Variants in CFAP47 observed in about 807,000 individuals in gnomAD.
CFAP47 encodes the protein cilia- and flagella-associated protein 47.
CFAP47 carries 29 observed loss-of-function variants against 148.1 expected under a neutral mutation model. That is an observed-to-expected ratio of 0.20 (90% CI 0.15 to 0.27). CFAP47 has a LOEUF of 0.27. Ranked by LOEUF, CFAP47 falls within the 10% of genes least tolerant of loss-of-function variation. The pLI, the probability that CFAP47 is intolerant of heterozygous loss-of-function variation, is 1.00. For missense variants in CFAP47, 1,872 were observed against 1,697.5 expected (o/e 1.10, Z -1.81); for synonymous variants, 664 against 577.3 (o/e 1.15, Z -2.15).
chrX:35,981,202 A>C (rs1936639566), intron 15 of CFAP47, among the ~76,000 whole-genome samples: 1 of 109,778 alleles, frequency 9.1e-6, no homozygotes, highest in South Asian at 3.9e-4. Flanking sequence ...ATACTTACTT[A>C]GTACCAAAGA....
intron 34 of CFAP47, 62 bp from the exon 35 acceptor site, chrX:36,138,286 A>G (rs769685855): frequency 1.2e-5 from 12 of 1,002,410 alleles, no homozygotes; most frequent in Non-Finnish European, 1.6e-5. Context: ...ACTATAGAGA[A>G]CACTTAAAAA....
At chrX:36,324,282 A>G (rs781804716) in intron 57 of CFAP47, among the ~76,000 whole-genome samples, 2 of 111,959 alleles carry the variant, frequency 1.8e-5, no homozygotes, top group African/African-American at 6.5e-5. Flanking sequence ...GTGGAAATAC[A>G]TTAGCTGTAA....
intron 24 of CFAP47, among the ~76,000 whole-genome samples, chrX:36,038,014 T>C (rs1601942590): frequency 9.0e-6 from 1 of 111,446 alleles, no homozygotes; most frequent in Non-Finnish European, 1.9e-5. Context: ...TCCAGCTGCC[T>C]CCCTTTTTCC....
At chrX:36,168,444 T>C (rs1282205753) in intron 39 of CFAP47, among the ~76,000 whole-genome samples, 1 of 112,416 alleles carries the variant, frequency 8.9e-6, no homozygotes, top group Admixed American at 9.4e-5. Context: ...ACTCAGAAAC[T>C]TTGTATCTGC....
intron 37 of CFAP47, among the ~76,000 whole-genome samples, chrX:36,154,611 C>T (rs1012757124): frequency 1.8e-5 from 2 of 111,958 alleles, no homozygotes; most frequent in Non-Finnish European, 3.8e-5. Context: ...TCTTTTGAGC[C>T]TTTTCCAGAA....
intron 15 of CFAP47, 22 bp downstream of exon 15, chrX:35,975,935 G>A (rs905484425): frequency 9.2e-6 from 11 of 1,193,798 alleles, no homozygotes; most frequent in African/African-American, 1.8e-5. Flanking sequence ...TTGTTTGTTT[G>A]ATTTAGACAT....
At chrX:35,920,122 G>T in intron 1 of CFAP47, 74 bp downstream of exon 1, 2 of 1,072,011 alleles carry the variant, frequency 1.9e-6, no homozygotes, top group Non-Finnish European at 2.5e-6. Flanking sequence ...CTTTGCCCCA[G>T]GGAGTAGTCA....
chrX:36,302,208 G>C (rs1941304985), intron 53 of CFAP47, among the ~76,000 whole-genome samples: 1 of 110,403 alleles, frequency 9.1e-6, no homozygotes, highest in South Asian at 3.8e-4. Context: ...TGAAGTTTTG[G>C]TTATTTTCAT....
intron 60 of CFAP47, among the ~76,000 whole-genome samples, chrX:36,359,099 G>A (rs187390358): frequency 8.9e-6 from 1 of 112,171 alleles, no homozygotes; most frequent in East Asian, 2.8e-4. Flanking sequence ...AATATTTGCT[G>A]AATGAATAAA....
intron 2 of CFAP47, among the ~76,000 whole-genome samples, chrX:35,932,610 T>C (rs1262734462): frequency 9.2e-6 from 1 of 109,155 alleles, no homozygotes; most frequent in African/African-American, 3.4e-5. Context: ...TTCCTGACTT[T>C]CTGAAGAACT....
chrX:36,318,637 A>G (rs1485322101), intron 56 of CFAP47, among the ~76,000 whole-genome samples: 4 of 112,326 alleles, frequency 3.6e-5, no homozygotes, highest in African/African-American at 1.3e-4. Context: ...TTCAATGTAG[A>G]TGAAACCATC....
At chrX:36,165,090 C>G (rs927618731) in intron 39 of CFAP47, among the ~76,000 whole-genome samples, 14 of 111,744 alleles carry the variant, frequency 1.3e-4, no homozygotes, top group Admixed American at 3.8e-4. Flanking sequence ...GCATAATGTC[C>G]TCCAGGTTCA....
At chrX:36,114,261 A>G (rs1451345749) in intron 33 of CFAP47, among the ~76,000 whole-genome samples, 1 of 111,526 alleles carries the variant, frequency 9.0e-6, no homozygotes, top group East Asian at 2.8e-4. Context: ...TTACTTTATT[A>G]TGAGTCCTAG....
rs754611170 is a variant in CFAP47 at position 36,104,632 on chromosome X, G to T, written c.5261G>T (p.Ser1754Ile). ...TCTGATTCTGAAAGAATTTTGCTTA[G>T]TTGGATGAACATAAATTATGAGAAT... is the stretch of plus-strand genomic sequence containing the variant. Reference protein sequence around the residue: ...IYSDSERILLSWMNINYENTR... With the variant: ...IYSDSERILLIWMNINYENTR... Residue 1754 changes from serine (S) to isoleucine (I), a missense_variant, in exon 33 of 64, where the codon AGT becomes ATT. By Grantham distance (142) the Ser-to-Ile change is moderately radical. Coordinates refer to ENST00000378653, the MANE Select transcript of CFAP47 (RefSeq NM_001304548.2). The T allele has an allele frequency of 2.2e-6, 2 of 924,884 alleles. No individual in the cohort carries two copies. The highest frequency in any genetic ancestry group is 3.1e-6 in the Non-Finnish European group (2 of 645,674). 76.2% of individuals were successfully genotyped at this position (924,884 alleles called of 1,213,427 possible). A position where few individuals can be genotyped will look rare whatever the true frequency, so the allele number is the denominator to read the frequency against.
intron 48 of CFAP47, among the ~76,000 whole-genome samples, chrX:36,238,335 G>A (rs1054424402): frequency 4.4e-5 from 5 of 112,389 alleles, no homozygotes; most frequent in Admixed American, 1.9e-4. Flanking sequence ...CTTCCACCAT[G>A]ATAGTGACGC....
rs1556017248 is a variant in CFAP47 at position 36,350,122 on chromosome X, A to G, written c.8688A>G (p.Lys2896=). The change falls in exon 59 of 64, where the codon AAA becomes AAG. Residue 2896 remains lysine (K), a synonymous_variant. Coordinates refer to ENST00000378653, the MANE Select transcript of CFAP47 (RefSeq NM_001304548.2). ...GACTCCCACAAGCACCACCTCCTAAATCTCCCCCAGGTAGGTATACATTAG... is the reference window on the plus strand; with the variant it reads ...GACTCCCACAAGCACCACCTCCTAAGTCTCCCCCAGGTAGGTATACATTAG... ...IVGLPQAPPP[K]SPPVVIQCQS... is the part of the protein sequence containing the mutation. 2.7e-6 allele frequency: 3 copies of G among 1,130,071 alleles called. No individual in the cohort carries two copies. The highest frequency in any genetic ancestry group is 5.2e-5 in the Admixed American group (2 of 38,458). 93.1% of individuals were successfully genotyped at this position (1,130,071 alleles called of 1,213,427 possible).
At chrX:36,103,516 A>C (rs1456827008) in intron 32 of CFAP47, among the ~76,000 whole-genome samples, 9 of 102,321 alleles carry the variant, frequency 8.8e-5, no homozygotes, top group Admixed American at 6.6e-4. Flanking sequence ...AAAAAAAAAA[A>C]AAAAAAAAAA....
At chrX:36,368,531 A>G (rs1007180037) in intron 62 of CFAP47, among the ~76,000 whole-genome samples, 6 of 111,430 alleles carry the variant, frequency 5.4e-5, no homozygotes, top group Non-Finnish European at 7.6e-5. Flanking sequence ...CCTGTAATGT[A>G]GAAGAAACTA....
chrX:36,063,392 A>G (rs1160630590), intron 26 of CFAP47, among the ~76,000 whole-genome samples: 1 of 111,233 alleles, frequency 9.0e-6, no homozygotes, highest in Non-Finnish European at 1.9e-5. Flanking sequence ...AATATCAATG[A>G]GTGAAGTGTC....
Sources: allele counts gnomAD v4.1 joint callset (sites outside exome capture counted in the v4.1 genomes callset), GRCh38; gene constraint gnomAD v4.1.1; transcripts MANE v1.5; gene names NCBI Gene and HGNC (gene_info 2026-07-23, HGNC 2026-07-21).